The following SMARCA4 variants were observed in gnomAD, a reference collection of about 807,000 sequenced individuals.
SMARCA4 encodes SWI/SNF related BAF chromatin remodeling complex subunit ATPase 4.
Under a neutral mutation model 193.9 loss-of-function variants are expected in SMARCA4, and 31 were observed. That is an observed-to-expected ratio of 0.16 (90% confidence interval 0.12 to 0.22). The LOEUF (loss-of-function observed/expected upper bound fraction) is 0.22, where lower values mean the gene tolerates loss of function less well. SMARCA4 is among the 10% of genes least tolerant of loss of function. The pLI is 1.00. For missense variants in SMARCA4, 1,148 were observed against 2,296.0 expected (o/e 0.50, Z 10.22); for synonymous variants, 942 against 933.1 (o/e 1.01, Z -0.17).
At chr19:10,962,531 G>A (rs1307930713) in intron 1 of SMARCA4, among the ~76,000 whole-genome samples, 2 of 152,066 alleles carry the variant, frequency 1.3e-5, no homozygotes, top group Non-Finnish European at 2.9e-5. Context: ...CTCAAAATCA[G>A]GGAGGGTGTG....
chr19:11,018,727 G>T, intron 16 of SMARCA4: 1 of 637,844 alleles, frequency 1.6e-6, no homozygotes, highest in Admixed American at 2.2e-5. Flanking sequence ...AAAGGGCCTT[G>T]CCCTCTTTTC....
At chr19:10,994,337 T>TA (rs2086822299) in intron 8 of SMARCA4, among the ~76,000 whole-genome samples, 1 of 148,530 alleles carries the variant, frequency 6.7e-6, no homozygotes, top group Non-Finnish European at 1.5e-5. Context: ...TTTTTTTTTT[T>TA]TTTTGAGACA....
intron 34 of SMARCA4, among the ~76,000 whole-genome samples, chr19:11,061,515 A>G (rs1464100806): frequency 6.6e-6 from 1 of 152,064 alleles, no homozygotes; most frequent in Admixed American, 6.6e-5. Flanking sequence ...AGCTGGGACT[A>G]CAGGCGCCCG....
chr19:10,996,862 A>G (rs1390186518), intron 11 of SMARCA4, among the ~76,000 whole-genome samples: 1 of 151,880 alleles, frequency 6.6e-6, no homozygotes, highest in Admixed American at 6.6e-5. Flanking sequence ...CTCCATTTTC[A>G]CGTTTTGTGT....
At chr19:11,025,214 T>C (rs1053927144) in intron 21 of SMARCA4, among the ~76,000 whole-genome samples, 1 of 152,218 alleles carries the variant, frequency 6.6e-6, no homozygotes, top group African/African-American at 2.4e-5. Context: ...CCCTCTGCTG[T>C]GCCAGGCAGT....
At chr19:11,008,070 T>A (rs375565081) in intron 14 of SMARCA4, 47 bp downstream of exon 14, 5 of 1,594,860 alleles carry the variant, frequency 3.1e-6, no homozygotes, top group East Asian at 2.3e-5. Flanking sequence ...TCCTGTGAGG[T>A]GGCGCTGGTG....
At chr19:10,964,630 T>TC (rs1264706271) in intron 1 of SMARCA4, among the ~76,000 whole-genome samples, 1 of 150,454 alleles carries the variant, frequency 6.6e-6, no homozygotes, top group Non-Finnish European at 1.5e-5. Flanking sequence ...TTTTTTTTTT[T>TC]TTCTTATGAG....
intron 15 of SMARCA4, 168 bp from the exon 16 acceptor site, chr19:11,012,781 A>G: frequency 1.4e-6 from 1 of 696,176 alleles, no homozygotes; most frequent in Admixed American, 2.0e-5. Context: ...GCTAAGCGAT[A>G]AAGAATCAGT....
At chr19:11,037,480 T>C (rs1255681676) in intron 29 of SMARCA4, among the ~76,000 whole-genome samples, 2 of 152,352 alleles carry the variant, frequency 1.3e-5, no homozygotes, top group Non-Finnish European at 2.9e-5. Context: ...TCTAGTCACA[T>C]CATCCTTTAC....
Position 11,062,114 on chromosome 19 carries a change from C to T in SMARCA4, c.*298C>T, listed in dbSNP as rs2076928118. 42 of 503,808 alleles carry T rather than the reference C, an allele frequency of 8.3e-5. 1 individual carries two copies. Among genetic ancestry groups the T allele is most frequent in the South Asian group, 8.3e-4 (39 of 46,986 alleles). 31.2% of individuals were successfully genotyped at this position (503,808 alleles called of 1,614,324 possible). On this transcript the variant is annotated 3_prime_UTR_variant, in exon 35 of 35. Coordinates refer to ENST00000344626, the MANE Select transcript of SMARCA4 (RefSeq NM_003072.5). ...TTCCGTTGCTGGCAGTACTGTTGCG[C>T]CGCAGTTTGGAGTCACTGTAGTTAA... is the stretch of plus-strand genomic sequence containing the variant.
At chr19:10,978,698 T>G (rs2085327045) in intron 1 of SMARCA4, among the ~76,000 whole-genome samples, 1 of 151,680 alleles carries the variant, frequency 6.6e-6, no homozygotes, top group South Asian at 2.1e-4. Context: ...CCAGCACTTC[T>G]GGAGGCTGAT....
chr19:10,966,227 A>G (rs979355999), intron 1 of SMARCA4, among the ~76,000 whole-genome samples: 1 of 151,588 alleles, frequency 6.6e-6, no homozygotes, highest in Admixed American at 6.6e-5. Context: ...CAGGTGACCC[A>G]CCTGCCTCAG....
Position 11,031,703 on chromosome 19 carries a change from C to G in SMARCA4, c.3546+810C>G, listed in dbSNP as rs1341183841. On this transcript the variant is annotated intron_variant, in intron 25 of 34. Coordinates refer to ENST00000344626, the MANE Select transcript of SMARCA4 (RefSeq NM_003072.5). The surrounding 1 kb of genome is among the most constrained non-coding windows in gnomAD (Gnocchi z 4.3). Reference sequence around the variant, plus strand: ...GCAGATGGCCACCCCTGGACGTCTGCTCTCAAACTCTGGTTGGCAGGCATC... The same window carrying G: ...GCAGATGGCCACCCCTGGACGTCTGGTCTCAAACTCTGGTTGGCAGGCATC... 4 of 152,312 alleles carry G rather than the reference C, an allele frequency of 2.6e-5. No individual in the cohort carries two copies. The highest frequency in any genetic ancestry group is 9.6e-5 in the African/African-American group (4 of 41,462). The allele number at this position is 152,312 out of a possible 1,614,324, so 9.4% of individuals were successfully genotyped here.
In SMARCA4 at chr19:10,985,315, C is replaced by T. The variant is rs1568419849; in HGVS notation, c.265C>T (p.Arg89Cys). The stretch of plus-strand genomic sequence containing the variant: ...TGAGAAGGGCATGTCGGACGACCCG[C>T]GCTACAACCAGATGAAAGGAATGGG... Reference protein sequence around the residue: ...MHEKGMSDDPRYNQMKGMGMR... With the variant: ...MHEKGMSDDPCYNQMKGMGMR... The change falls in exon 3 of 35, where the codon CGC becomes TGC. Residue 89 changes from arginine (R) to cysteine (C), a missense_variant. Arg to Cys is a radical substitution (Grantham distance 180). Coordinates refer to ENST00000344626, the MANE Select transcript of SMARCA4 (RefSeq NM_003072.5). The surrounding 1 kb of genome is among the most constrained non-coding windows in gnomAD (Gnocchi z 4.5). 3 of 1,614,034 alleles carry T rather than the reference C, an allele frequency of 1.9e-6. No homozygotes were observed. Among genetic ancestry groups the T allele is most frequent in the Non-Finnish European group, 2.5e-6 (3 of 1,179,996 alleles).
At chr19:11,035,469 TG>T (rs777616967) in intron 29 of SMARCA4, among the ~76,000 whole-genome samples, 1 of 152,206 alleles carries the variant, frequency 6.6e-6, no homozygotes, top group East Asian at 1.9e-4. Flanking sequence ...TCCCAGTACC[TG>T]CCAGGAGGGA....
chr19:10,995,041 G>A (rs2145945055), intron 9 of SMARCA4, 40 bp downstream of exon 9: 1 of 1,564,792 alleles, frequency 6.4e-7, no homozygotes, highest in Non-Finnish European at 8.7e-7. Context: ...TTCTACATGT[G>A]TAGCTGGTAC....
intron 11 of SMARCA4, among the ~76,000 whole-genome samples, chr19:10,999,848 A>C (rs1345510325): frequency 6.6e-6 from 1 of 152,206 alleles, no homozygotes; most frequent in East Asian, 1.9e-4. Flanking sequence ...GCTAATGGAC[A>C]CCTCTATGCA....
intron 1 of SMARCA4, among the ~76,000 whole-genome samples, chr19:10,974,243 G>A (rs879700094): frequency 7.2e-5 from 11 of 152,120 alleles, no homozygotes; most frequent in Non-Finnish European, 1.5e-4. Context: ...TGGCGTGAAA[G>A]AAGAGACCAG....
At chr19:11,037,523 AT>A (rs1203896703) in intron 29 of SMARCA4, among the ~76,000 whole-genome samples, 3 of 152,228 alleles carry the variant, frequency 2.0e-5, no homozygotes, top group Admixed American at 6.5e-5. Flanking sequence ...TTAATATTGA[AT>A]TGTAAGTTAT....
Sources: gnomAD v4.1 joint callset for allele counts (sites outside exome capture counted in the v4.1 genomes callset) on GRCh38, gnomAD v4.1.1 for gene constraint, Gnocchi (gnomAD v3.1) non-coding constraint, MANE v1.5 for transcripts, NCBI Gene and HGNC (gene_info 2026-07-23, HGNC 2026-07-21) for gene names.